SHROOM4: variants seen among roughly 807,000 people sequenced by gnomAD.
The protein encoded by SHROOM4 is shroom family member 4.
In SHROOM4, 17 loss-of-function variants were observed where a neutral mutation model predicts 80.3. The observed-to-expected ratio is 0.21, with a 90% CI of 0.14 to 0.32. The LOEUF is 0.32. Among genes scored for constraint, SHROOM4 ranks in the 10% least tolerant of loss-of-function variants. SHROOM4 has a pLI of 1.00. For synonymous variants in SHROOM4, 400 were observed against 437.5 expected (o/e 0.91, Z 1.07); for missense variants, 993 against 1,140.3 (o/e 0.87, Z 1.86).
At chrX:50,761,451 A>G (rs1935153800) in intron 1 of SHROOM4, among the ~76,000 whole-genome samples, 2 of 112,299 alleles carry the variant, frequency 1.8e-5, no homozygotes, top group African/African-American at 6.5e-5. Context: ...ACTTTTTAAT[A>G]ATAGCCATTC....
chrX:50,813,158 AGTG>A (rs1310629036), intron 1 of SHROOM4, among the ~76,000 whole-genome samples: 1 of 65,819 alleles, frequency 1.5e-5, no homozygotes, highest in Non-Finnish European at 3.1e-5. Flanking sequence ...CGGCGGCGGC[AGTG>A]GCGGCGGCGG....
At position 50,705,610 on chromosome X, in the gene SHROOM4, A is replaced by G. The variant is rs782405368; in HGVS notation, c.118-9673T>C. On this transcript the variant is annotated intron_variant, in intron 1 of 8. Transcript: ENST00000376020. ...ACCCCCTCTGATAGCAGACTCCACAACCTTGGCACTGACGGTGTTCCTCAC... is the reference window on the plus strand; with the variant it reads ...ACCCCCTCTGATAGCAGACTCCACAGCCTTGGCACTGACGGTGTTCCTCAC... Among the ~76,000 whole-genome samples the G allele has an allele frequency of 2.7e-5, 3 of 110,473 alleles. No homozygotes were observed. The South Asian group carries it at 1.2e-3, about 43-fold the overall frequency.
At position 50,598,491 on chromosome X, in the gene SHROOM4, C is replaced by T; in HGVS notation, c.3987G>A (p.Arg1329=). The T allele has an allele frequency of 8.3e-7, 1 of 1,206,596 alleles. No homozygotes were observed. The highest frequency in any genetic ancestry group is 1.1e-6 in the Non-Finnish European group (1 of 892,852). Residue 1329 remains arginine (R), a synonymous_variant, in exon 8 of 9, where the codon CGG becomes CGA. Coordinates refer to ENST00000376020, the MANE Select transcript of SHROOM4 (RefSeq NM_020717.5). ...ESISRKLSVL[R]EAQRGLLEDI... ...CCTCTAGCAGCCCTCGCTGGGCCTC[C>T]CGCAAGACAGAAAGTTTTCTGCTGA...
chrX:50,627,695 T>C lies in SHROOM4; in HGVS notation c.2896-20A>G, dbSNP rs367675005. On this transcript the variant is annotated intron_variant, in intron 4 of 8. Transcript: ENST00000376020. ...AAATTCCTGTAAAGAAAAATCCTGA[T>C]AAGTTAGAAAGCTTTGAGCAGCCAG... The C allele has an allele frequency of 1.7e-5, 20 of 1,188,676 alleles. No homozygotes were observed. In the African/African-American group the frequency reaches 3.3e-4, roughly 20 times the overall value.
At chrX:50,722,912 T>C (rs1027398075) in intron 1 of SHROOM4, among the ~76,000 whole-genome samples, 1 of 110,761 alleles carries the variant, frequency 9.0e-6, no homozygotes, top group African/African-American at 3.3e-5. Context: ...TATAGCTTTA[T>C]TGAGATATAA....
chrX:50,801,706 CA>C (rs1454772376), intron 1 of SHROOM4, among the ~76,000 whole-genome samples: 1 of 111,808 alleles, frequency 8.9e-6, no homozygotes, highest in Non-Finnish European at 1.9e-5. Context: ...AGCCTCCCAC[CA>C]GGGCTCACGC....
intron 1 of SHROOM4, among the ~76,000 whole-genome samples, chrX:50,764,853 G>A (rs1163369431): frequency 9.0e-6 from 1 of 111,462 alleles, no homozygotes; most frequent in East Asian, 2.8e-4. Context: ...CATGAGACTG[G>A]GTAATTTATA....
At chrX:50,679,658 T>G (rs1208841529) in intron 2 of SHROOM4, among the ~76,000 whole-genome samples, 3 of 111,727 alleles carry the variant, frequency 2.7e-5, no homozygotes, top group African/African-American at 9.7e-5. Context: ...GTAATTGGAA[T>G]ATCCATCACC....
chrX:50,671,865 C>T (rs1932800813), intron 2 of SHROOM4, among the ~76,000 whole-genome samples: 1 of 112,820 alleles, frequency 8.9e-6, no homozygotes, highest in Admixed American at 9.4e-5. Flanking sequence ...GGCTTTCAGC[C>T]CATCTTGGCT....
the SHROOM4 span, among the ~76,000 whole-genome samples, chrX:50,577,506 T>C: frequency 9.8e-5 from 11 of 112,082 alleles, no homozygotes; most frequent in Non-Finnish European, 1.7e-4. Context: ...CTGAGTGATG[T>C]TGAGGGTCCA....
intron 1 of SHROOM4, among the ~76,000 whole-genome samples, chrX:50,753,968 G>A (rs188277784): frequency 4.5e-5 from 5 of 111,698 alleles, no homozygotes; most frequent in East Asian, 5.6e-4. Context: ...ATTTCATAAC[G>A]TTATTAATTT....
rs144456581 is a variant in SHROOM4, at chrX:50,596,781, G to A, written c.4396C>T (p.Arg1466Ter). 8.3e-7 allele frequency: 1 copy of A among 1,211,462 alleles called. No individual in the cohort carries two copies. The highest frequency in any genetic ancestry group is 1.1e-6 in the Non-Finnish European group (1 of 895,214). Residue 1466 changes from arginine to a stop codon, truncating the protein, a stop_gained, in exon 9 of 9, where the codon CGA (arginine) becomes TGA (stop). Coordinates refer to ENST00000376020, the MANE Select transcript of SHROOM4 (RefSeq NM_020717.5). LOFTEE classifies it high-confidence loss of function. ...AGCTTGATCTTCTCCTCCAGCTCTC[G>A]CTGTTCAATGATGAGAGCAGATTTC... Reference protein sequence around the residue: ...KMKSALIIEQRELEEKIKLGE... With the variant: ...KMKSALIIEQ
chrX:50,604,068 G>C (rs1345638593), intron 6 of SHROOM4, among the ~76,000 whole-genome samples: 2 of 111,846 alleles, frequency 1.8e-5, no homozygotes, highest in African/African-American at 6.5e-5. Flanking sequence ...ATGGTTAAAA[G>C]GCTCCACAGC....
chrX:50,728,417 A>G lies in SHROOM4; in HGVS notation c.118-32480T>C, dbSNP rs571510357. 9.8e-5 allele frequency among the ~76,000 whole-genome samples: 11 copies of G among 112,245 alleles called. No homozygotes were observed. In the South Asian group the frequency reaches 4.1e-3, roughly 42 times the overall value. ...GCAGAGCCCTCCTGGGGTCACCAAC[A>G]TCACTGGACATCTGAAAGCCTGTGT... On this transcript the variant is annotated intron_variant, in intron 1 of 8. Coordinates refer to ENST00000376020, the MANE Select transcript of SHROOM4 (RefSeq NM_020717.5).
chrX:50,652,434 T>C (rs1260586536), intron 2 of SHROOM4, among the ~76,000 whole-genome samples: 1 of 112,093 alleles, frequency 8.9e-6, no homozygotes, highest in African/African-American at 3.2e-5. Context: ...TTTTTTCTTG[T>C]AAATTTGTTT....
chrX:50,796,744 A>G (rs1171892443), intron 1 of SHROOM4, among the ~76,000 whole-genome samples: 1 of 110,813 alleles, frequency 9.0e-6, no homozygotes, highest in Non-Finnish European at 1.9e-5. Flanking sequence ...GAGTAGCAGG[A>G]ATTGAAAAGA....
chrX:50,637,862 A>G (rs192132699), intron 3 of SHROOM4, among the ~76,000 whole-genome samples: 2 of 112,251 alleles, frequency 1.8e-5, no homozygotes, highest in East Asian at 5.6e-4. Flanking sequence ...AGACAGGAGA[A>G]CAAAAGGAAT....
intron 1 of SHROOM4, among the ~76,000 whole-genome samples, chrX:50,738,081 A>G (rs2147561892): frequency 9.0e-6 from 1 of 111,333 alleles, no homozygotes; most frequent in East Asian, 2.8e-4. Context: ...CAAAAACCAC[A>G]TGATTATCTT....
At chrX:50,649,590 T>A (rs1931964389) in intron 2 of SHROOM4, 2 of 112,378 alleles carry the variant, frequency 1.8e-5, no homozygotes, top group Admixed American at 1.9e-4. Context: ...ACACACTTGC[T>A]TAAGGGAATT....
Sources: allele counts gnomAD v4.1 joint callset (sites outside exome capture counted in the v4.1 genomes callset), GRCh38; gene constraint gnomAD v4.1.1; transcripts MANE v1.5; gene names NCBI Gene and HGNC (gene_info 2026-07-23, HGNC 2026-07-21).